Variants in BDP1 observed in about 807,000 individuals in gnomAD.
BDP1 encodes the protein transcription factor TFIIIB component B'' homolog.
BDP1 carries 169 observed loss-of-function variants against 266.6 expected under a neutral mutation model. That is an observed-to-expected ratio of 0.63 (90% CI 0.56 to 0.72). The LOEUF is 0.72. BDP1 is among the 30% of genes least tolerant of loss of function. The pLI is 0.00. For synonymous variants in BDP1, 1,090 were observed against 1,022.4 expected (o/e 1.07, Z -1.26); for missense variants, 3,015 against 3,053.8 (o/e 0.99, Z 0.30).
At chr5:71,462,085 C>T (rs1368482184) in intron 3 of BDP1, among the ~76,000 whole-genome samples, 159 bp downstream of exon 3, 4 of 148,156 alleles carry the variant, frequency 2.7e-5, no homozygotes, top group African/African-American at 7.4e-5. Context: ...GCCTCAGATT[C>T]GCGGGTAGCT....
chr5:71,466,480 A>T (rs1343818050), intron 5 of BDP1, among the ~76,000 whole-genome samples: 2 of 152,238 alleles, frequency 1.3e-5, no homozygotes, highest in Admixed American at 6.5e-5. Context: ...CTGGTCATTG[A>T]GTCAGGCTGT....
chr5:71,551,928 C>T (rs1289298307), intron 34 of BDP1, among the ~76,000 whole-genome samples: 10 of 148,944 alleles, frequency 6.7e-5, no homozygotes, highest in African/African-American at 1.7e-4. Context: ...CCCTCCCGGA[C>T]GGGGCGGCTG....
chr5:71,515,147 T>C lies in BDP1; in HGVS notation c.4649+25T>C, dbSNP rs878942691. The C allele has an allele frequency of 9.8e-6, 15 of 1,527,986 alleles. No homozygotes were observed. In the South Asian group the frequency reaches 1.6e-4, roughly 17 times the overall value. 94.7% of individuals were successfully genotyped at this position (1,527,986 alleles called of 1,614,324 possible). A position where few individuals can be genotyped will look rare whatever the true frequency, so the allele number is the denominator to read the frequency against. On this transcript the variant is annotated intron_variant, in intron 20 of 38. Coordinates refer to ENST00000358731, the MANE Select transcript of BDP1 (RefSeq NM_018429.3). Reference sequence around the variant, plus strand: ...GGTAAACAGTGATTTTCTTTGACAATATAAAATAAGAGAGATACTTCTTTT... The same window carrying C: ...GGTAAACAGTGATTTTCTTTGACAACATAAAATAAGAGAGATACTTCTTTT...
intron 11 of BDP1, among the ~76,000 whole-genome samples, chr5:71,493,492 C>T (rs1392841435): frequency 2.6e-5 from 4 of 152,154 alleles, no homozygotes; most frequent in Non-Finnish European, 4.4e-5. Context: ...CTCAAGCAAT[C>T]CTCGCACCTC....
rs185733 is a variant in BDP1, at chr5:71,566,232, C to T, written c.*1347C>T. 0.45 allele frequency: 67,964 copies of T among 152,618 alleles called. 15,519 individuals carry two copies. The highest frequency in any genetic ancestry group is 0.55 in the South Asian group (2,658 of 4,840). 9.5% of individuals were successfully genotyped at this position (152,618 alleles called of 1,614,324 possible). A position where few individuals can be genotyped will look rare whatever the true frequency, so the allele number is the denominator to read the frequency against. On this transcript the variant is annotated 3_prime_UTR_variant, in exon 39 of 39. Transcript: ENST00000358731. The stretch of plus-strand genomic sequence containing the variant: ...CATACAAAGCTCAATCTCCTTTATA[C>T]ACCCACAGACATAATATTAGTTTTT...
At chr5:71,513,121 C>A in intron 18 of BDP1, 64 bp from the exon 19 acceptor site, 27 of 950,466 alleles carry the variant, frequency 2.8e-5, no homozygotes, top group Non-Finnish European at 4.2e-5. Flanking sequence ...TAAGGTTGTA[C>A]TGAGACTCCG....
intron 18 of BDP1, among the ~76,000 whole-genome samples, chr5:71,512,791 A>G (rs1427326400): frequency 6.6e-6 from 1 of 152,090 alleles, no homozygotes; most frequent in Non-Finnish European, 1.5e-5. Flanking sequence ...ATGGTGGCTC[A>G]CACCTGTAAT....
chr5:71,511,234 A>T (rs763270565), intron 17 of BDP1, 83 bp downstream of exon 17: 2 of 1,364,248 alleles, frequency 1.5e-6, no homozygotes, highest in Non-Finnish European at 2.0e-6. Context: ...TTTGTCCTTA[A>T]GTCCAACAAC....
At chr5:71,562,784 T>A (rs1446688824) in intron 38 of BDP1, 1 of 1,364,152 alleles carries the variant, frequency 7.3e-7, no homozygotes, top group Non-Finnish European at 9.6e-7. Flanking sequence ...GAGACCCTTC[T>A]GACTTGTGGA....
chr5:71,487,995 A>G (rs1336267138), intron 9 of BDP1, among the ~76,000 whole-genome samples: 1 of 152,230 alleles, frequency 6.6e-6, no homozygotes, highest in Non-Finnish European at 1.5e-5. Flanking sequence ...TTTAAAAAGT[A>G]GTATTGATAA....
chr5:71,529,280 C>T (rs1265954385), intron 25 of BDP1, among the ~76,000 whole-genome samples: 1 of 152,122 alleles, frequency 6.6e-6, no homozygotes, highest in African/African-American at 2.4e-5. Flanking sequence ...ATCCCAGCTA[C>T]TTGGGAGGCT....
chr5:71,542,308 C>A, intron 30 of BDP1, 43 bp downstream of exon 30: 1 of 1,459,484 alleles, frequency 6.9e-7, no homozygotes, highest in Non-Finnish European at 9.3e-7. Flanking sequence ...CATTTTGACA[C>A]AAGAAATTAC....
chr5:71,455,691 A>G lies in BDP1; in HGVS notation c.-187A>G, dbSNP rs565250074. 1.6e-4 allele frequency: 95 copies of G among 608,916 alleles called. 1 individual carries two copies. In the African/African-American group the frequency reaches 1.6e-3, roughly 10 times the overall value. 37.7% of individuals were successfully genotyped at this position (608,916 alleles called of 1,614,324 possible). Reference sequence around the variant, plus strand: ...CCATCGGTGTGTGGCAGGGTCATGAAAAAGCGGCGGCGGCGGGAGAGAGGA... The same window carrying G: ...CCATCGGTGTGTGGCAGGGTCATGAGAAAGCGGCGGCGGCGGGAGAGAGGA... On this transcript the variant is annotated 5_prime_UTR_variant, in exon 1 of 39. Transcript: ENST00000358731.
Position 71,553,012 on chromosome 5 carries a change from A to T in BDP1, c.6996-104A>T, listed in dbSNP as rs866338881. On this transcript the variant is annotated intron_variant, in intron 34 of 38. Coordinates refer to ENST00000358731, the MANE Select transcript of BDP1 (RefSeq NM_018429.3). ...ATTGGAATTTTCATTGGAATACCTC[A>T]GCCTTTAACTTTATTATTGGAAGGA... 22 of 960,056 alleles carry T rather than the reference A, an allele frequency of 2.3e-5. No individual in the cohort carries two copies. In the African/African-American group the frequency reaches 3.5e-4, roughly 15 times the overall value. The allele number at this position is 960,056 out of a possible 1,614,324, so 59.5% of individuals were successfully genotyped here. A position where few individuals can be genotyped will look rare whatever the true frequency, so the allele number is the denominator to read the frequency against.
intron 4 of BDP1, among the ~76,000 whole-genome samples, chr5:71,465,292 T>A (rs1350911724): frequency 6.6e-6 from 1 of 152,038 alleles, no homozygotes; most frequent in Non-Finnish European, 1.5e-5. Context: ...ATTATTATTA[T>A]TTTTACAGAT....
intron 8 of BDP1, among the ~76,000 whole-genome samples, chr5:71,484,812 G>A (rs558175024): frequency 2.0e-5 from 3 of 151,666 alleles, no homozygotes; most frequent in African/African-American, 4.8e-5. Context: ...CCATTTAGTC[G>A]TAAGATTAGC....
rs753928846 is a variant in BDP1, at chr5:71,511,011, G to A, written c.3919G>A (p.Glu1307Lys). 21 of 1,614,078 alleles carry A rather than the reference G, an allele frequency of 1.3e-5. No homozygotes were observed. The Admixed American group carries it at 3.5e-4, about 27-fold the overall frequency. Residue 1307 changes from glutamate (E) to lysine (K), a missense_variant, in exon 17 of 39, where the codon GAA becomes AAA. Physicochemically the swap from Glu to Lys is moderately conservative, Grantham distance 56 (BLOSUM62 1). Around this residue, in one of 3 missense-constraint regions of BDP1, gnomAD observed 2,383 missense variants for 2,404.9 expected, o/e 0.99. Coordinates refer to ENST00000358731, the MANE Select transcript of BDP1 (RefSeq NM_018429.3). ...EICVTEEKVA[E>K]LKQTGKTDIS... ...CTGTGTTACTGAGGAAAAGGTGGCA[G>A]AATTGAAACAAACTGGAAAAACAGA...
chr5:71,550,139 G>A (rs1018244436), intron 34 of BDP1, among the ~76,000 whole-genome samples: 1 of 152,150 alleles, frequency 6.6e-6, no homozygotes, highest in Admixed American at 6.6e-5. Flanking sequence ...TAATCCCAGG[G>A]CTTTGGGAGG....
At chr5:71,568,134 G>C (rs1421558049), downstream of BDP1, among the ~76,000 whole-genome samples, 1 of 152,148 alleles carries the variant, frequency 6.6e-6, no homozygotes, top group Non-Finnish European at 1.5e-5. Flanking sequence ...GACAGAAGAA[G>C]ACCCTGTCTT....
Sources: gnomAD v4.1 joint callset for allele counts (sites outside exome capture counted in the v4.1 genomes callset) on GRCh38, gnomAD v4.1.1 for gene constraint, gnomAD v4.1.1 regional missense constraint, MANE v1.5 for transcripts, NCBI Gene and HGNC (gene_info 2026-07-23, HGNC 2026-07-21) for gene names.